Variants in CWC25 observed in about 807,000 individuals in gnomAD.
CWC25 encodes the protein pre-mRNA-splicing factor CWC25 homolog.
In CWC25, 31 loss-of-function variants were observed where a neutral mutation model predicts 54.6. That is an observed-to-expected ratio of 0.57 (90% confidence interval 0.43 to 0.77). The LOEUF is 0.77. Ranked by LOEUF, CWC25 falls within the 30% of genes least tolerant of loss-of-function variation. The pLI, the probability that CWC25 is intolerant of heterozygous loss-of-function variation, is 0.00. For missense variants in CWC25, 453 were observed against 529.3 expected (o/e 0.86, Z 1.41); for synonymous variants, 151 against 187.0 (o/e 0.81, Z 1.57).
chr17:38,813,534 A>G (rs1293643610), intron 3 of CWC25, among the ~76,000 whole-genome samples: 2 of 143,862 alleles, frequency 1.4e-5, no homozygotes, highest in Middle Eastern at 3.2e-3. Flanking sequence ...TCTCACAAAT[A>G]TAAGAGATTG....
rs1206763123 is a variant in CWC25, at chr17:38,814,963, G to C, written c.326C>G (p.Ser109Cys). 2 of 1,613,786 alleles carry C rather than the reference G, an allele frequency of 1.2e-6. No homozygotes were observed. The highest frequency in any genetic ancestry group is 3.3e-5 in the Admixed American group (2 of 59,974). Residue 109 changes from serine to cysteine, a missense_variant, in exon 3 of 10, where the codon TCT becomes TGT. Physicochemically the swap from Ser to Cys is moderately radical, Grantham distance 112 (BLOSUM62 -1). Transcript: ENST00000614790. Reference sequence around the variant, plus strand: ...AGAGCCTGGGAGAAGTCCTGTTTCAGAAGAGCAGCCTGCCTCCTTCTCCTC... The same window carrying C: ...AGAGCCTGGGAGAAGTCCTGTTTCACAAGAGCAGCCTGCCTCCTTCTCCTC... ...KMEEKEAGCSSETGLLPGSIF... is the reference protein window; with the variant it reads ...KMEEKEAGCSCETGLLPGSIF...
At chr17:38,812,445 T>A (rs1341267638) in intron 4 of CWC25, among the ~76,000 whole-genome samples, 1 of 152,030 alleles carries the variant, frequency 6.6e-6, no homozygotes, top group Non-Finnish European at 1.5e-5. Flanking sequence ...CTGACCAATA[T>A]GAATAAACCC....
intron 6 of CWC25, among the ~76,000 whole-genome samples, chr17:38,808,378 T>A (rs1274104299): frequency 2.3e-5 from 3 of 130,042 alleles, no homozygotes; most frequent in Admixed American, 8.5e-5. Flanking sequence ...CGAGACTCCC[T>A]CTCAAAAAAA....
intron 2 of CWC25, among the ~76,000 whole-genome samples, chr17:38,817,329 G>A (rs1433667095): frequency 6.7e-6 from 1 of 149,884 alleles, no homozygotes; most frequent in African/African-American, 2.5e-5. Context: ...GACAGTGCGA[G>A]ACTCGGTCTC....
At chr17:38,818,319 C>T (rs1399685847) in intron 2 of CWC25, among the ~76,000 whole-genome samples, 1 of 150,262 alleles carries the variant, frequency 6.7e-6, no homozygotes, top group East Asian at 2.0e-4. Flanking sequence ...ACCAGCCGGG[C>T]ACTGTGGCTC....
intron 1 of CWC25, among the ~76,000 whole-genome samples, chr17:38,822,943 T>C (rs1459441183): frequency 2.7e-5 from 4 of 150,140 alleles, no homozygotes; most frequent in African/African-American, 9.8e-5. Context: ...GTTCACGCCA[T>C]TCTCCTGCCT....
chr17:38,816,013 C>A (rs76186947), intron 2 of CWC25, among the ~76,000 whole-genome samples: 1,602 of 152,246 alleles, frequency 0.011, 34 homozygotes, highest in African/African-American at 0.037. Context: ...TCTCAGCCAT[C>A]TAGGGGCCAA....
Position 38,802,072 on chromosome 17 carries a change from A to T in CWC25, c.*20T>A. 1 of 1,504,438 alleles carries T rather than the reference A, an allele frequency of 6.6e-7. No individual in the cohort carries two copies. The highest frequency in any genetic ancestry group is 1.1e-5 in the South Asian group (1 of 88,042). 93.2% of individuals were successfully genotyped at this position (1,504,438 alleles called of 1,614,324 possible). On this transcript the variant is annotated 3_prime_UTR_variant, in exon 10 of 10. Transcript: ENST00000614790. ...CTTCCCTGGAAAATGCAGGAAAACCAATAAGAGAGGGGACAGTTTTCATCT... is the reference window on the plus strand; with the variant it reads ...CTTCCCTGGAAAATGCAGGAAAACCTATAAGAGAGGGGACAGTTTTCATCT...
intron 2 of CWC25, among the ~76,000 whole-genome samples, chr17:38,818,277 AAAAAT>A (rs1206265146): frequency 6.6e-6 from 1 of 151,486 alleles, no homozygotes; most frequent in African/African-American, 2.4e-5. Context: ...CTCCATCTCA[AAAAAT>A]AAAATAAAAT....
At chr17:38,802,347 C>T (rs562748836) in intron 9 of CWC25, 141 bp from the exon 10 acceptor site, 6 of 609,200 alleles carry the variant, frequency 9.8e-6, no homozygotes, top group East Asian at 2.8e-5. Flanking sequence ...AGATAACTTT[C>T]GAGTGACTCC....
At chr17:38,803,233 T>C (rs972773865) in intron 8 of CWC25, among the ~76,000 whole-genome samples, 1 of 152,240 alleles carries the variant, frequency 6.6e-6, no homozygotes, top group African/African-American at 2.4e-5. Context: ...ATCTACCATC[T>C]AACTACCCAT....
In CWC25 at chr17:38,825,320, C is replaced by T; in HGVS notation, c.-137G>A. ...GTCAACTGCCAGTTTCACCACCGCT[C>T]TAGAGGTCACTTCCGGGAGGGCGTC... is the stretch of plus-strand genomic sequence containing the variant. On this transcript the variant is annotated 5_prime_UTR_variant, in exon 1 of 10. Transcript: ENST00000614790. 1 of 826,276 alleles carries T rather than the reference C, an allele frequency of 1.2e-6. No homozygotes were observed. The highest frequency in any genetic ancestry group is 1.8e-6 in the Non-Finnish European group (1 of 549,180). The allele number at this position is 826,276 out of a possible 1,614,324, so 51.2% of individuals were successfully genotyped here.
intron 2 of CWC25, chr17:38,815,843 T>A: frequency 2.9e-6 from 1 of 344,962 alleles, no homozygotes; most frequent in Non-Finnish European, 5.4e-6. Flanking sequence ...TTGGTGCTTG[T>A]GGGCACACAG....
intron 2 of CWC25, among the ~76,000 whole-genome samples, chr17:38,820,662 A>G (rs1911885101): frequency 6.6e-6 from 1 of 152,202 alleles, no homozygotes; most frequent in Non-Finnish European, 1.5e-5. Context: ...TTGATTCTCA[A>G]CAAACCTTAA....
At chr17:38,812,705 T>C (rs926647714) in intron 4 of CWC25, 90 bp downstream of exon 4, 12 of 729,134 alleles carry the variant, frequency 1.6e-5, no homozygotes, top group East Asian at 5.7e-5. Flanking sequence ...CATTCTGTTT[T>C]TCCCCTGGTA....
At chr17:38,804,609 C>A (rs1911154275) in intron 8 of CWC25, among the ~76,000 whole-genome samples, 1 of 151,864 alleles carries the variant, frequency 6.6e-6, no homozygotes, top group Admixed American at 6.6e-5. Flanking sequence ...GAGTTCAAGA[C>A]CAGCCTGACC....
chr17:38,806,010 C>A (rs540028836), intron 8 of CWC25, among the ~76,000 whole-genome samples: 1 of 151,890 alleles, frequency 6.6e-6, no homozygotes, highest in Non-Finnish European at 1.5e-5. Context: ...TGGGGTTTCA[C>A]CGTGTTGGTT....
In CWC25 at chr17:38,824,932, C is replaced by A. The variant is rs564139504; in HGVS notation, c.18+234G>T. On this transcript the variant is annotated intron_variant, in intron 1 of 9. Coordinates refer to ENST00000614790, the MANE Select transcript of CWC25 (RefSeq NM_017748.5). Reference sequence around the variant, plus strand: ...AATTTACAGCCGGTAGAGCCGCAGTCAACAAACACGCAAACACCACCTGTC... The same window carrying A: ...AATTTACAGCCGGTAGAGCCGCAGTAAACAAACACGCAAACACCACCTGTC... Among the ~76,000 whole-genome samples the A allele has an allele frequency of 3.9e-5, 6 of 152,302 alleles. No homozygotes were observed. In the South Asian group the frequency reaches 1.0e-3, roughly 26 times the overall value.
chr17:38,816,903 C>T (rs76587336), intron 2 of CWC25, among the ~76,000 whole-genome samples: 16,293 of 148,620 alleles, frequency 0.11, 2,414 homozygotes, highest in African/African-American at 0.34. Flanking sequence ...CCAGGCTGGT[C>T]GATCTCCTGA....
Sources: gnomAD v4.1 joint callset for allele counts (sites outside exome capture counted in the v4.1 genomes callset) on GRCh38, gnomAD v4.1.1 for gene constraint, MANE v1.5 for transcripts, NCBI Gene and HGNC (gene_info 2026-07-23, HGNC 2026-07-21) for gene names.